Variants in MAN1C1 observed in about 807,000 individuals in gnomAD.
MAN1C1 encodes the protein mannosidase alpha class 1C member 1, also known as mannosyl-oligosaccharide 1,2-alpha-mannosidase IC.
Under a neutral mutation model 71.5 loss-of-function variants are expected in MAN1C1, and 49 were observed. That is an observed-to-expected ratio of 0.69 (90% CI 0.54 to 0.87). MAN1C1 has a LOEUF of 0.87. Among genes scored for constraint, MAN1C1 ranks in the 40% least tolerant of loss-of-function variants. The pLI, the probability that MAN1C1 is intolerant of heterozygous loss-of-function variation, is 0.00. For missense variants in MAN1C1, 743 were observed against 835.0 expected, an observed-to-expected ratio of 0.89 and a Z score of 1.36; for synonymous variants, 352 against 343.7, an observed-to-expected ratio of 1.02 and a Z score of -0.27.
rs963824307 is a variant in MAN1C1 at position 25,784,411 on chromosome 1, A to G, written c.*622A>G. The G allele has an allele frequency of 6.6e-6, 1 of 152,224 alleles. No individual in the cohort carries two copies. The highest frequency in any genetic ancestry group is 2.4e-5 in the African/African-American group (1 of 41,432). 9.4% of individuals were successfully genotyped at this position (152,224 alleles called of 1,614,324 possible). On this transcript the variant is annotated 3_prime_UTR_variant, in exon 12 of 12. Transcript: ENST00000374332. ...ATTTTCATTATTATTGTAATGGAAAAATCTGTGGACTAGAATAAAAGAGTT... is the reference window on the plus strand; with the variant it reads ...ATTTTCATTATTATTGTAATGGAAAGATCTGTGGACTAGAATAAAAGAGTT...
In MAN1C1 at chr1:25,618,068, C is replaced by G. The variant is rs2045136235; in HGVS notation, c.271C>G (p.Pro91Ala). ...CAACCCGGCCCCCGCCGCGCCGGCC[C>G]CGGGCGAGGATGACCCCAGCAGCTG... ...PPNPAPAAPA[P>A]GEDDPSSWAS... is the part of the protein sequence containing the mutation. Residue 91 changes from proline (P) to alanine (A), a missense_variant, in exon 1 of 12, where the codon CCG (proline) becomes GCG (alanine). Pro to Ala is a conservative substitution (Grantham distance 27). Transcript: ENST00000374332. 1.3e-6 allele frequency: 2 copies of G among 1,543,380 alleles called. No individual in the cohort carries two copies. Among genetic ancestry groups the G allele is most frequent in the African/African-American group, 1.4e-5 (1 of 71,414 alleles).
At position 25,782,880 on chromosome 1, in the gene MAN1C1, G is replaced by A. The variant is rs1054138435; in HGVS notation, c.1766+180G>A. On this transcript the variant is annotated intron_variant, in intron 11 of 11. Transcript: ENST00000374332. This position sits in a 1 kb window ranked among gnomAD's most constrained non-coding sequence, Gnocchi z 4.4. ...GAGCCTTGGGCCAGGCCGCTTTCTC[G>A]GAGAGTGAGACTGGGCTAGAATCCA... Among the ~76,000 whole-genome samples, 5 of 152,184 alleles carry A rather than the reference G, an allele frequency of 3.3e-5. No individual in the cohort carries two copies. Among genetic ancestry groups the A allele is most frequent in the African/African-American group, 7.2e-5 (3 of 41,444 alleles).
intron 2 of MAN1C1, among the ~76,000 whole-genome samples, chr1:25,731,345 A>G (rs567494616): frequency 6.6e-6 from 1 of 150,434 alleles, no homozygotes; most frequent in Non-Finnish European, 1.5e-5. Flanking sequence ...CGTCATCATC[A>G]TCATCATCAT....
intron 1 of MAN1C1, among the ~76,000 whole-genome samples, chr1:25,644,016 T>G (rs1031912443): frequency 1.2e-4 from 18 of 152,166 alleles, no homozygotes; most frequent in African/African-American, 4.1e-4. Context: ...CCACTTCAGC[T>G]TTTTCAGGGC....
Position 25,746,539 on chromosome 1 carries a change from G to A in MAN1C1, c.638-129G>A, listed in dbSNP as rs2047130951. On this transcript the variant is annotated intron_variant, in intron 2 of 11. Transcript: ENST00000374332. The surrounding 1 kb of genome is among the most constrained non-coding windows in gnomAD (Gnocchi z 4.0). ...TGGTGGCACTGGAGTCCCCCGGATG[G>A]TGCCTGAGGCCAGCCTTTGCCACCA... 2.7e-6 allele frequency: 2 copies of A among 753,926 alleles called. No individual in the cohort carries two copies. Among genetic ancestry groups the A allele is most frequent in the Non-Finnish European group, 4.7e-6 (2 of 425,712 alleles). 46.7% of individuals were successfully genotyped at this position (753,926 alleles called of 1,614,324 possible). A position where few individuals can be genotyped will look rare whatever the true frequency, so the allele number is the denominator to read the frequency against.
intron 2 of MAN1C1, among the ~76,000 whole-genome samples, chr1:25,690,274 G>A (rs2046289668): frequency 6.6e-6 from 1 of 150,748 alleles, no homozygotes; most frequent in Non-Finnish European, 1.5e-5. Context: ...TCAGGCTAAG[G>A]CTGATCTCTG....
intron 1 of MAN1C1, among the ~76,000 whole-genome samples, chr1:25,667,484 CAA>C (rs756375842): frequency 1.8e-4 from 9 of 49,312 alleles, no homozygotes; most frequent in South Asian, 7.9e-4. Context: ...GACTCCATCT[CAA>C]AAAAAAAAAA....
chr1:25,724,019 T>C (rs1298151622), intron 2 of MAN1C1, among the ~76,000 whole-genome samples: 1 of 150,714 alleles, frequency 6.6e-6, no homozygotes, highest in Non-Finnish European at 1.5e-5. Flanking sequence ...GCCAAACGAC[T>C]GCCTACCTTT....
rs2046016145 is a variant in MAN1C1 at position 25,673,159 on chromosome 1, C to T, written c.541-13281C>T. Among the ~76,000 whole-genome samples the T allele has an allele frequency of 3.3e-5, 5 of 152,130 alleles. No homozygotes were observed. The South Asian group carries it at 1.0e-3, about 31-fold the overall frequency. On this transcript the variant is annotated intron_variant, in intron 1 of 11. Transcript: ENST00000374332. ...AGAGGACTTGGTTTCTGATATGAGC[C>T]AGCAGCAGGATGACAGCGCTGTCTC...
intron 11 of MAN1C1, among the ~76,000 whole-genome samples, chr1:25,783,379 A>G (rs1453124724): frequency 6.6e-6 from 1 of 152,200 alleles, no homozygotes; most frequent in African/African-American, 2.4e-5. Flanking sequence ...AATCTGGACC[A>G]TAAGGGCTCA....
chr1:25,753,593 C>T lies in MAN1C1; in HGVS notation c.929+15C>T, dbSNP rs747917026. The stretch of plus-strand genomic sequence containing the variant: ...AGCTTCAAAAGGTAGGGCGCCATCG[C>T]GTTCCCCACTGGGGCTTTACTGCGA... On this transcript the variant is annotated intron_variant, in intron 5 of 11. Transcript: ENST00000374332. This position sits in a 1 kb window ranked among gnomAD's most constrained non-coding sequence, Gnocchi z 4.9. 5.0e-6 allele frequency: 8 copies of T among 1,609,590 alleles called. No homozygotes were observed. In the Admixed American group the frequency reaches 5.0e-5, roughly 10 times the overall value.
chr1:25,778,369 A>T lies in MAN1C1; in HGVS notation c.1477+45A>T. On this transcript the variant is annotated intron_variant, in intron 9 of 11. Coordinates refer to ENST00000374332, the MANE Select transcript of MAN1C1 (RefSeq NM_020379.4). This position sits in a 1 kb window ranked among gnomAD's most constrained non-coding sequence, Gnocchi z 5.5. ...GGGCAGCAGGAGAGACTGAGGCTAG[A>T]CACCAGGAAGAACTGGAAAGACCGG... 6.5e-7 allele frequency: 1 copy of T among 1,549,518 alleles called. No individual in the cohort carries two copies. The highest frequency in any genetic ancestry group is 2.3e-5 in the East Asian group (1 of 43,764).
intron 1 of MAN1C1, among the ~76,000 whole-genome samples, chr1:25,655,111 T>A (rs2045746389): frequency 6.6e-6 from 1 of 152,216 alleles, no homozygotes; most frequent in Admixed American, 6.5e-5. Context: ...TGACACCATA[T>A]CTCCAATTGA....
chr1:25,746,508 C>A lies in MAN1C1; in HGVS notation c.638-160C>A, dbSNP rs2047130584. Among the ~76,000 whole-genome samples, 2 of 152,174 alleles carry A rather than the reference C, an allele frequency of 1.3e-5. No homozygotes were observed. Among genetic ancestry groups the A allele is most frequent in the African/African-American group, 4.8e-5 (2 of 41,446 alleles). On this transcript the variant is annotated intron_variant, in intron 2 of 11. Transcript: ENST00000374332. The surrounding 1 kb of genome is among the most constrained non-coding windows in gnomAD (Gnocchi z 4.0). ...CGGGGACTCTGGGTCTCGGCGTCAC[C>A]TTCGATGGTGGCACTGGAGTCCCCC...
At chr1:25,681,540 G>T (rs1336635492) in intron 1 of MAN1C1, among the ~76,000 whole-genome samples, 1 of 152,170 alleles carries the variant, frequency 6.6e-6, no homozygotes, top group African/African-American at 2.4e-5. Flanking sequence ...GAGACTGATA[G>T]GAGCACTCGC....
rs572131856 is a variant in MAN1C1 at position 25,735,030 on chromosome 1, A to G, written c.638-11638A>G. On this transcript the variant is annotated intron_variant, in intron 2 of 11. Coordinates refer to ENST00000374332, the MANE Select transcript of MAN1C1 (RefSeq NM_020379.4). The surrounding 1 kb of genome is among the most constrained non-coding windows in gnomAD (Gnocchi z 4.6). ...GAAGAGGGCATGCCAGGTAGAGAAA[A>G]CAGCTTGAAGAAAGGGCTGGAGGCT... Among the ~76,000 whole-genome samples the G allele has an allele frequency of 6.6e-6, 1 of 152,272 alleles. No homozygotes were observed. Among genetic ancestry groups the G allele is most frequent in the Non-Finnish European group, 1.5e-5 (1 of 68,018 alleles).
Position 25,719,781 on chromosome 1 carries a change from T to TTTG in MAN1C1, c.638-26884_638-26882dup, listed in dbSNP as rs749383952. The stretch of plus-strand genomic sequence containing the variant: ...GTGGAAAGTGATATCTCATTGTTAT[T>TTTG]TTGTTTGTTTGTTTGTTTGTTTGAG... On this transcript the variant is annotated intron_variant, in intron 2 of 11. Transcript: ENST00000374332. Among the ~76,000 whole-genome samples, 239 of 151,982 alleles carry TTTG rather than the reference T, an allele frequency of 1.6e-3. 4 individuals carry two copies. Among genetic ancestry groups the TTTG allele is most frequent in the Non-Finnish European group, 2.6e-4 (18 of 67,968 alleles).
chr1:25,717,807 G>A (rs1446802704), intron 2 of MAN1C1, among the ~76,000 whole-genome samples: 2 of 151,944 alleles, frequency 1.3e-5, no homozygotes, highest in African/African-American at 2.4e-5. Context: ...CAGGTGATCT[G>A]CCCACCTTGG....
Position 25,776,071 on chromosome 1 carries a change from G to C in MAN1C1, c.1258-2034G>C, listed in dbSNP as rs1406199099. On this transcript the variant is annotated intron_variant, in intron 8 of 11. Coordinates refer to ENST00000374332, the MANE Select transcript of MAN1C1 (RefSeq NM_020379.4). The surrounding 1 kb of genome is among the most constrained non-coding windows in gnomAD (Gnocchi z 4.3). ...CTGGCTAATTCTTATATTTTTAGTA[G>C]AGATGGGTTTTTGCCATGTTGCCCA... The C allele has an allele frequency of 6.6e-6, 1 of 152,088 alleles. No individual in the cohort carries two copies. Among genetic ancestry groups the C allele is most frequent in the Non-Finnish European group, 1.5e-5 (1 of 68,028 alleles). 9.4% of individuals were successfully genotyped at this position (152,088 alleles called of 1,614,324 possible).
Sources: gnomAD v4.1 joint callset for allele counts (sites outside exome capture counted in the v4.1 genomes callset) on GRCh38, gnomAD v4.1.1 for gene constraint, Gnocchi (gnomAD v3.1) non-coding constraint, MANE v1.5 for transcripts, NCBI Gene and HGNC (gene_info 2026-07-23, HGNC 2026-07-21) for gene names.